Variants in OSBPL3 observed in about 807,000 individuals in gnomAD.
OSBPL3 encodes the protein oxysterol-binding protein-related protein 3.
A neutral mutation model predicts 120.1 loss-of-function variants in OSBPL3; 65 were observed. The observed-to-expected ratio is 0.54, with a 90% CI of 0.44 to 0.67. The LOEUF is 0.67. Among genes scored for constraint, OSBPL3 ranks in the 30% least tolerant of loss-of-function variants. OSBPL3 has a pLI of 0.00. For missense variants in OSBPL3, 1,004 were observed against 1,082.1 expected (o/e 0.93, Z 1.01); for synonymous variants, 416 against 402.6 (o/e 1.03, Z -0.40).
intron 2 of OSBPL3, among the ~76,000 whole-genome samples, chr7:24,886,866 A>G (rs1258913345): frequency 6.6e-6 from 1 of 152,034 alleles, no homozygotes; most frequent in Admixed American, 6.6e-5. Context: ...TCATGAATCA[A>G]CTCTAATCAG....
rs1384748594 is a variant in OSBPL3, at chr7:24,968,543, C to G, written c.-150+11343G>C. The stretch of plus-strand genomic sequence containing the variant: ...TCCTGCGTAGCCGGGATTACAGGCA[C>G]ACACCACCACGCCCAGCTAATTTTT... On this transcript the variant is annotated intron_variant, in intron 1 of 22. Transcript: ENST00000313367. The surrounding 1 kb of genome is among the most constrained non-coding windows in gnomAD (Gnocchi z 4.6). Among the ~76,000 whole-genome samples the G allele has an allele frequency of 6.6e-6, 1 of 152,198 alleles. No individual in the cohort carries two copies. Among genetic ancestry groups the G allele is most frequent in the East Asian group, 1.9e-4 (1 of 5,200 alleles).
rs1428341673 is a variant in OSBPL3, at chr7:24,819,515, G to A, written c.1948+660C>T. 2.0e-5 allele frequency among the ~76,000 whole-genome samples: 3 copies of A among 152,094 alleles called. No individual in the cohort carries two copies. The highest frequency in any genetic ancestry group is 6.6e-5 in the Admixed American group (1 of 15,250). On this transcript the variant is annotated intron_variant, in intron 17 of 22. Transcript: ENST00000313367. This position sits in a 1 kb window ranked among gnomAD's most constrained non-coding sequence, Gnocchi z 4.1. ...GAAGGGGGTTACAGTATACTGTTTC[G>A]TACTTTTAAAGTTTAATAGACTGCG... is the stretch of plus-strand genomic sequence containing the variant.
In OSBPL3 at chr7:24,851,419, G is replaced by A. The variant is rs1026723388; in HGVS notation, c.1158+1085C>T. Among the ~76,000 whole-genome samples, 1 of 152,142 alleles carries A rather than the reference G, an allele frequency of 6.6e-6. No individual in the cohort carries two copies. The highest frequency in any genetic ancestry group is 1.5e-5 in the Non-Finnish European group (1 of 68,040). On this transcript the variant is annotated intron_variant, in intron 11 of 22. Coordinates refer to ENST00000313367, the MANE Select transcript of OSBPL3 (RefSeq NM_015550.4). This position sits in a 1 kb window ranked among gnomAD's most constrained non-coding sequence, Gnocchi z 4.1. ...CTTACATATTCTACAACAACTATAT[G>A]TGCTACTGGCAGAGGATTTATCACT... is the stretch of plus-strand genomic sequence containing the variant.
intron 1 of OSBPL3, among the ~76,000 whole-genome samples, chr7:24,961,474 G>A (rs903342922): frequency 1.3e-5 from 2 of 152,158 alleles, no homozygotes; most frequent in African/African-American, 4.8e-5. Context: ...TTCAGAGATG[G>A]GGCCTTTGAG....
rs150824612 is a variant in OSBPL3, at chr7:24,879,223, T to C, written c.97-7154A>G. On this transcript the variant is annotated intron_variant, in intron 2 of 22. Coordinates refer to ENST00000313367, the MANE Select transcript of OSBPL3 (RefSeq NM_015550.4). This position sits in a 1 kb window ranked among gnomAD's most constrained non-coding sequence, Gnocchi z 5.6. ...TGAGCTATGAGATCCTTTCTAAATC[T>C]TCTATCATAAACTCATGTCATACTA... Among the ~76,000 whole-genome samples the C allele has an allele frequency of 6.6e-6, 1 of 152,308 alleles. No individual in the cohort carries two copies. The highest frequency in any genetic ancestry group is 1.9e-4 in the East Asian group (1 of 5,188).
rs1274487026 is a variant in OSBPL3 at position 24,851,188 on chromosome 7, G to T, written c.1158+1316C>A. On this transcript the variant is annotated intron_variant, in intron 11 of 22. Coordinates refer to ENST00000313367, the MANE Select transcript of OSBPL3 (RefSeq NM_015550.4). This position sits in a 1 kb window ranked among gnomAD's most constrained non-coding sequence, Gnocchi z 4.1. ...TTAATGAGAACAATAAGAAAGTTAG[G>T]GAAAAAAAACAAAAACACTTTGCTT... 6.6e-6 allele frequency among the ~76,000 whole-genome samples: 1 copy of T among 151,380 alleles called. No individual in the cohort carries two copies. The highest frequency in any genetic ancestry group is 1.9e-4 in the East Asian group (1 of 5,168).
intron 1 of OSBPL3, chr7:24,906,094 T>C (rs536942744): frequency 2.6e-5 from 4 of 153,958 alleles, no homozygotes; most frequent in Non-Finnish European, 1.4e-5. Context: ...AATAGGAAAC[T>C]AATATAAAGA....
chr7:24,866,946 G>A (rs1460870182), intron 5 of OSBPL3, among the ~76,000 whole-genome samples: 1 of 152,092 alleles, frequency 6.6e-6, no homozygotes, highest in Admixed American at 6.5e-5. Flanking sequence ...GATTACAGGT[G>A]TGCGCCATCA....
intron 7 of OSBPL3, among the ~76,000 whole-genome samples, chr7:24,865,053 T>C (rs966084981): frequency 1.3e-5 from 2 of 152,204 alleles, no homozygotes; most frequent in African/African-American, 4.8e-5. Context: ...TGTCAGACTC[T>C]GCCCTTGGAG....
At chr7:24,870,547 A>T (rs576379996) in intron 5 of OSBPL3, among the ~76,000 whole-genome samples, 185 bp downstream of exon 5, 11 of 152,332 alleles carry the variant, frequency 7.2e-5, no homozygotes, top group African/African-American at 2.6e-4. Flanking sequence ...CTAAACCCTC[A>T]AGCAGTGTTG....
rs1304318952 is a variant in OSBPL3 at position 24,804,631 on chromosome 7, A to T, written c.2445-194T>A. On this transcript the variant is annotated intron_variant, in intron 21 of 22. Coordinates refer to ENST00000313367, the MANE Select transcript of OSBPL3 (RefSeq NM_015550.4). The surrounding 1 kb of genome is among the most constrained non-coding windows in gnomAD (Gnocchi z 5.4). The stretch of plus-strand genomic sequence containing the variant: ...TTTTTTGAATTGGTGATATTTACAT[A>T]ATTCAAAAATTATATCTACAAAAAA... Among the ~76,000 whole-genome samples, 1 of 152,170 alleles carries T rather than the reference A, an allele frequency of 6.6e-6. No homozygotes were observed. Among genetic ancestry groups the T allele is most frequent in the African/African-American group, 2.4e-5 (1 of 41,432 alleles).
Position 24,892,448 on chromosome 7 carries a change from C to G in OSBPL3, c.25G>C (p.Gly9Arg), listed in dbSNP as rs1562893362. Residue 9 changes from glycine to arginine, a missense_variant, in exon 2 of 23, where the codon GGT becomes CGT. Physicochemically the swap from Gly to Arg is moderately radical, Grantham distance 125 (BLOSUM62 -2). This residue lies in a region of OSBPL3 where 255 missense variants were observed against 248.7 expected (regional missense o/e 1.03). Coordinates refer to ENST00000313367, the MANE Select transcript of OSBPL3 (RefSeq NM_015550.4). MMSDEKNL[G>R]VSQKLVSPSR... is the part of the protein sequence containing the mutation. ...GGTGATACCAATTTTTGGGACACAC[C>G]AAGGTTCTTCTCATCACTCATCATG... 1 of 1,613,608 alleles carries G rather than the reference C, an allele frequency of 6.2e-7. No homozygotes were observed. The highest frequency in any genetic ancestry group is 2.2e-5 in the East Asian group (1 of 44,878).
In OSBPL3 at chr7:24,800,937, C is replaced by CTTT. The variant is rs56365128; in HGVS notation, c.2568-661_2568-659dup. 3.2e-3 allele frequency among the ~76,000 whole-genome samples: 439 copies of CTTT among 138,796 alleles called. 4 individuals carry two copies. The highest frequency in any genetic ancestry group is 4.9e-3 in the Non-Finnish European group (318 of 64,310). 91.1% of individuals were successfully genotyped at this position (138,796 alleles called of 152,430 possible). On this transcript the variant is annotated intron_variant, in intron 22 of 22. Coordinates refer to ENST00000313367, the MANE Select transcript of OSBPL3 (RefSeq NM_015550.4). The stretch of plus-strand genomic sequence containing the variant: ...CAGGTTGTACATAGGAAGTGGTTAA[C>CTTT]TTTTTTTTTTTTTTTTTAAAGGAGG...
chr7:24,815,948 A>G lies in OSBPL3; in HGVS notation c.2027+662T>C, dbSNP rs751805374. On this transcript the variant is annotated intron_variant, in intron 18 of 22. Coordinates refer to ENST00000313367, the MANE Select transcript of OSBPL3 (RefSeq NM_015550.4). This position sits in a 1 kb window ranked among gnomAD's most constrained non-coding sequence, Gnocchi z 5.1. The stretch of plus-strand genomic sequence containing the variant: ...CATCTTGCTTTATAAATAAGTATCA[A>G]TCATCCCTATCAGATCAAGGCCATA... Among the ~76,000 whole-genome samples, 4 of 152,254 alleles carry G rather than the reference A, an allele frequency of 2.6e-5. No individual in the cohort carries two copies. Among genetic ancestry groups the G allele is most frequent in the Admixed American group, 6.5e-5 (1 of 15,286 alleles).
In OSBPL3 at chr7:24,820,009, CTAAG is replaced by C. The variant is rs1302100981; in HGVS notation, c.1948+162_1948+165del. 5.9e-5 allele frequency among the ~76,000 whole-genome samples: 9 copies of C among 152,140 alleles called. No individual in the cohort carries two copies. The highest frequency in any genetic ancestry group is 1.2e-4 in the Non-Finnish European group (8 of 68,014). On this transcript the variant is annotated intron_variant, in intron 17 of 22. Coordinates refer to ENST00000313367, the MANE Select transcript of OSBPL3 (RefSeq NM_015550.4). The surrounding 1 kb of genome is among the most constrained non-coding windows in gnomAD (Gnocchi z 4.6). ...AATAAATGGAGGTGGCTCAGATAAACTAAGTGAGAGATGAGAGGCAAGAACAGGT... is the reference window on the plus strand; with the variant it reads ...AATAAATGGAGGTGGCTCAGATAAACTGAGAGATGAGAGGCAAGAACAGGT...
At chr7:24,890,371 A>G (rs945484726) in intron 2 of OSBPL3, among the ~76,000 whole-genome samples, 1 of 152,190 alleles carries the variant, frequency 6.6e-6, no homozygotes, top group African/African-American at 2.4e-5. Flanking sequence ...CCGACAGACC[A>G]TCGGAAATGG....
chr7:24,948,398 T>A (rs571867213), intron 1 of OSBPL3, among the ~76,000 whole-genome samples: 59 of 151,584 alleles, frequency 3.9e-4, no homozygotes, highest in South Asian at 1.0e-3. Context: ...ATTTTTTTTT[T>A]AAAAAGACCC....
At chr7:24,929,465 T>C (rs1446655725) in intron 1 of OSBPL3, among the ~76,000 whole-genome samples, 2 of 152,194 alleles carry the variant, frequency 1.3e-5, no homozygotes, top group Non-Finnish European at 2.9e-5. Context: ...TGAACATCAA[T>C]AAGTTTTACC....
chr7:24,923,257 C>T (rs999392268), intron 1 of OSBPL3, among the ~76,000 whole-genome samples: 2 of 152,170 alleles, frequency 1.3e-5, no homozygotes, highest in Non-Finnish European at 2.9e-5. Context: ...GCTAGAAGAG[C>T]GTCTCTGCTC....
Sources: allele counts gnomAD v4.1 joint callset (sites outside exome capture counted in the v4.1 genomes callset), GRCh38; gene constraint gnomAD v4.1.1; regional missense constraint gnomAD v4.1.1; non-coding constraint Gnocchi (gnomAD v3.1); transcripts MANE v1.5; gene names NCBI Gene and HGNC (gene_info 2026-07-23, HGNC 2026-07-21).